CCSER2: variants seen among roughly 807,000 people sequenced by gnomAD.
CCSER2 encodes the protein serine-rich coiled-coil domain-containing protein 2.
CCSER2 carries 46 observed loss-of-function variants against 92.3 expected under a neutral mutation model. The observed-to-expected ratio is 0.50, with a 90% CI of 0.39 to 0.64. The LOEUF (loss-of-function observed/expected upper bound fraction) is 0.64. Among genes scored for constraint, CCSER2 ranks in the 30% least tolerant of loss-of-function variants. The probability of loss-of-function intolerance (pLI) is 0.00; values close to 1 mark genes in which losing one functional copy is unlikely to be tolerated. For synonymous variants in CCSER2, 433 were observed against 431.4 expected, an observed-to-expected ratio of 1.00 and a Z score of -0.04; for missense variants, 1,244 against 1,238.9, an observed-to-expected ratio of 1.00 and a Z score of -0.06.
At chr10:84,376,425 C>T (rs887654512) in intron 3 of CCSER2, among the ~76,000 whole-genome samples, 2 of 152,060 alleles carry the variant, frequency 1.3e-5, no homozygotes, top group Admixed American at 6.5e-5. Context: ...CTGTTGGTTT[C>T]GGTCACTATA....
chr10:84,366,191 G>C (rs1157757799), intron 1 of CCSER2, among the ~76,000 whole-genome samples: 1 of 151,952 alleles, frequency 6.6e-6, no homozygotes, highest in African/African-American at 2.4e-5. Context: ...CGATCCTTTC[G>C]CCTCAGCTTC....
intron 1 of CCSER2, among the ~76,000 whole-genome samples, chr10:84,348,816 C>T (rs569718853): frequency 1.4e-3 from 212 of 152,220 alleles, no homozygotes; most frequent in African/African-American, 5.0e-3. Context: ...TCTAAATACT[C>T]TTTATCCAGA....
chr10:84,342,068 C>G (rs1005855648), intron 1 of CCSER2, among the ~76,000 whole-genome samples: 11 of 152,112 alleles, frequency 7.2e-5, no homozygotes, highest in South Asian at 2.1e-4. Flanking sequence ...CCCCTTCCCC[C>G]CCCTGGAGGT....
chr10:84,396,415 A>G (rs1841841205), intron 3 of CCSER2, among the ~76,000 whole-genome samples: 1 of 151,856 alleles, frequency 6.6e-6, no homozygotes, highest in South Asian at 2.1e-4. Context: ...ACCTTACAGA[A>G]TACAATAAGT....
chr10:84,427,516 G>A (rs977913711), intron 5 of CCSER2, among the ~76,000 whole-genome samples: 1 of 152,144 alleles, frequency 6.6e-6, no homozygotes, highest in Non-Finnish European at 1.5e-5. Flanking sequence ...AAAACTTCCT[G>A]AGTATTGCTT....
At chr10:84,482,439 A>C (rs1354620866) in intron 9 of CCSER2, among the ~76,000 whole-genome samples, 1 of 152,228 alleles carries the variant, frequency 6.6e-6, no homozygotes, top group Non-Finnish European at 1.5e-5. Context: ...TTACGAAACT[A>C]TTTTTAAGCA....
chr10:84,457,259 A>AATATATTATATATT (rs1458605886), intron 6 of CCSER2, among the ~76,000 whole-genome samples: 6,021 of 54,900 alleles, frequency 0.11, 415 homozygotes, highest in South Asian at 0.25. Flanking sequence ...TATTATATAA[A>AATATATTATATATT]ATATATTATA....
At chr10:84,474,507 A>G (rs1847011747) in intron 8 of CCSER2, among the ~76,000 whole-genome samples, 1 of 151,938 alleles carries the variant, frequency 6.6e-6, no homozygotes, top group Non-Finnish European at 1.5e-5. Context: ...CTAAAAATAC[A>G]AAAATTAGCT....
At chr10:84,435,739 G>A (rs1361686312) in intron 5 of CCSER2, among the ~76,000 whole-genome samples, 1 of 149,832 alleles carries the variant, frequency 6.7e-6, no homozygotes, top group Non-Finnish European at 1.5e-5. Flanking sequence ...TTCCTTCATA[G>A]AGTTTGTAAT....
intron 9 of CCSER2, among the ~76,000 whole-genome samples, chr10:84,486,141 C>A (rs920869518): frequency 1.1e-4 from 16 of 152,112 alleles, no homozygotes; most frequent in Non-Finnish European, 2.4e-4. Flanking sequence ...TCCAGTCTAT[C>A]ATTGATGGAC....
intron 9 of CCSER2, among the ~76,000 whole-genome samples, chr10:84,481,350 A>G (rs1847445530): frequency 6.6e-6 from 1 of 151,898 alleles, no homozygotes; most frequent in African/African-American, 2.4e-5. Context: ...ATTCAACCTC[A>G]GCTTTTGTGT....
intron 1 of CCSER2, among the ~76,000 whole-genome samples, chr10:84,350,332 G>A (rs1844790904): frequency 6.6e-6 from 1 of 151,982 alleles, no homozygotes; most frequent in African/African-American, 2.4e-5. Context: ...TTTTCCTAAA[G>A]CATTTCGTTT....
chr10:84,433,506 A>G (rs1843915359), intron 5 of CCSER2, among the ~76,000 whole-genome samples: 1 of 152,142 alleles, frequency 6.6e-6, no homozygotes, highest in Non-Finnish European at 1.5e-5. Flanking sequence ...AGTCTAACCT[A>G]TAAATCACAA....
intron 9 of CCSER2, among the ~76,000 whole-genome samples, chr10:84,504,470 C>T (rs1176040825): frequency 6.6e-6 from 1 of 152,106 alleles, no homozygotes; most frequent in Non-Finnish European, 1.5e-5. Context: ...TTACTGAATG[C>T]CCACCTTTGC....
chr10:84,427,584 T>A (rs981329952), intron 5 of CCSER2, among the ~76,000 whole-genome samples: 1 of 152,148 alleles, frequency 6.6e-6, no homozygotes, highest in Non-Finnish European at 1.5e-5. Context: ...GGATCATGCC[T>A]TATCCGTAAC....
At chr10:84,381,596 A>G (rs1311587639) in intron 3 of CCSER2, among the ~76,000 whole-genome samples, 3 of 152,124 alleles carry the variant, frequency 2.0e-5, no homozygotes, top group African/African-American at 7.2e-5. Flanking sequence ...CCACAAGACC[A>G]TCCCCCAGTG....
At chr10:84,469,785 C>G (rs1846666615) in intron 7 of CCSER2, among the ~76,000 whole-genome samples, 1 of 152,008 alleles carries the variant, frequency 6.6e-6, no homozygotes, top group African/African-American at 2.4e-5. Flanking sequence ...AGAAGGTGTT[C>G]TCTCTTTGAT....
At chr10:84,379,854 A>G (rs1355118694) in intron 3 of CCSER2, among the ~76,000 whole-genome samples, 5 of 152,050 alleles carry the variant, frequency 3.3e-5, no homozygotes, top group African/African-American at 4.8e-5. Flanking sequence ...ATATTCTGTC[A>G]TTTGAATATA....
At chr10:84,511,027 T>C (rs1236014877) in intron 9 of CCSER2, among the ~76,000 whole-genome samples, 1 of 152,196 alleles carries the variant, frequency 6.6e-6, no homozygotes, top group Non-Finnish European at 1.5e-5. Context: ...AAAATTAATT[T>C]TTAATAAAAA....
Sources: gnomAD v4.1 joint callset for allele counts (sites outside exome capture counted in the v4.1 genomes callset) on GRCh38, gnomAD v4.1.1 for gene constraint, MANE v1.5 for transcripts, NCBI Gene and HGNC (gene_info 2026-07-23, HGNC 2026-07-21) for gene names.